The following LUC7L2 variants were observed in gnomAD, a reference collection of about 807,000 sequenced individuals.
The protein encoded by LUC7L2 is putative RNA-binding protein Luc7-like 2.
In LUC7L2, 25 loss-of-function variants were observed where a neutral mutation model predicts 52.8. The ratio of observed to expected loss-of-function variants is 0.47; its 90% CI spans 0.34 to 0.66. The LOEUF (loss-of-function observed/expected upper bound fraction) is 0.66. Among genes scored for constraint, LUC7L2 ranks in the 30% least tolerant of loss-of-function variants. The pLI, the probability that LUC7L2 is intolerant of heterozygous loss-of-function variation, is 0.01. For synonymous variants in LUC7L2, 144 were observed against 160.9 expected (o/e 0.89, Z 0.80); for missense variants, 328 against 497.8 (o/e 0.66, Z 3.25).
At chr7:139,386,404 ATTT>A (rs4028268) in intron 2 of LUC7L2, among the ~76,000 whole-genome samples, 11 of 131,492 alleles carry the variant, frequency 8.4e-5, no homozygotes, top group African/African-American at 1.9e-4. Context: ...GTCACTGGAA[ATTT>A]TTTTTTTTTT....
intron 7 of LUC7L2, 132 bp from the exon 8 acceptor site, chr7:139,412,419 G>C (rs1482372178): frequency 1.8e-6 from 2 of 1,091,912 alleles, no homozygotes; most frequent in East Asian, 5.9e-5. Context: ...GGAAAATTTT[G>C]TGTGCGTAGG....
chr7:139,369,953 T>G (rs973304799), intron 1 of LUC7L2, among the ~76,000 whole-genome samples: 1 of 152,230 alleles, frequency 6.6e-6, no homozygotes, highest in African/African-American at 2.4e-5. Context: ...CTTTGTTTTA[T>G]TAGGAACGAC....
chr7:139,369,300 A>G (rs9656512), intron 1 of LUC7L2, among the ~76,000 whole-genome samples: 58,578 of 152,130 alleles, frequency 0.39, 15,769 homozygotes, highest in African/African-American at 0.77. Context: ...TTTATGCCAT[A>G]TATCTTAAAA....
At chr7:139,360,348 G>A (rs1161408580) in intron 1 of LUC7L2, 26 bp downstream of exon 1, 1 of 1,549,288 alleles carries the variant, frequency 6.5e-7, no homozygotes, top group Non-Finnish European at 8.7e-7. Flanking sequence ...GGCCCTGGGG[G>A]TGGGGGAGGG....
At chr7:139,380,413 C>T (rs1800948900) in intron 2 of LUC7L2, among the ~76,000 whole-genome samples, 1 of 151,892 alleles carries the variant, frequency 6.6e-6, no homozygotes, top group Non-Finnish European at 1.5e-5. Flanking sequence ...GCCTGGCCAA[C>T]ATGTTGAAAT....
intron 1 of LUC7L2, chr7:139,346,179 A>G (rs6948879): frequency 0.38 from 58,426 of 151,860 alleles, 15,688 homozygotes; most frequent in African/African-American, 0.77. Context: ...GGAGGTTGCG[A>G]TGAGCTGAGA....
chr7:139,383,711 C>T (rs1316230389), intron 2 of LUC7L2, among the ~76,000 whole-genome samples: 1 of 149,834 alleles, frequency 6.7e-6, no homozygotes, highest in African/African-American at 2.5e-5. Context: ...CCACCGCGCC[C>T]GGCCTTGATG....
At chr7:139,352,326 C>T (rs1799483275) in intron 1 of LUC7L2, among the ~76,000 whole-genome samples, 1 of 151,924 alleles carries the variant, frequency 6.6e-6, no homozygotes, top group African/African-American at 2.4e-5. Flanking sequence ...ACCTTCTCTA[C>T]AAAAATAAAA....
intron 2 of LUC7L2, among the ~76,000 whole-genome samples, chr7:139,386,653 A>G (rs1186332084): frequency 6.8e-6 from 1 of 146,522 alleles, no homozygotes; most frequent in East Asian, 2.1e-4. Flanking sequence ...TGATCTGCCC[A>G]CCTCGGCCTC....
At chr7:139,357,720 GTC>G, upstream of LUC7L2, among the ~76,000 whole-genome samples, 1 of 147,818 alleles carries the variant, frequency 6.8e-6, no homozygotes, top group African/African-American at 2.5e-5. Flanking sequence ...TTGAGATGGA[GTC>G]TCACACTCAC....
chr7:139,359,776 G>C (rs1050066131), upstream of LUC7L2: 6 of 400,834 alleles, frequency 1.5e-5, no homozygotes, highest in Non-Finnish European at 2.2e-5. Context: ...GAGCGCGCGT[G>C]CACGCGCCCA....
At chr7:139,360,373 A>G (rs969908323) in intron 1 of LUC7L2, 51 bp downstream of exon 1, 2 of 1,523,960 alleles carry the variant, frequency 1.3e-6, no homozygotes, top group Non-Finnish European at 1.8e-6. Flanking sequence ...GGGACGGCGA[A>G]GGGAAGGGGT....
chr7:139,340,641 G>A (rs981505769), intron 1 of LUC7L2: 27 of 396,518 alleles, frequency 6.8e-5, no homozygotes, highest in African/African-American at 5.4e-4. Context: ...ATGAAGTGAC[G>A]ATGACGTACC....
intron 8 of LUC7L2, chr7:139,416,083 A>G (rs1795600006): frequency 1.5e-5 from 1 of 66,070 alleles, no homozygotes; most frequent in Non-Finnish European, 2.6e-5. Flanking sequence ...ATATATATAT[A>G]TATATATGAT....
chr7:139,386,818 T>C (rs939225215), intron 2 of LUC7L2, among the ~76,000 whole-genome samples: 1 of 152,156 alleles, frequency 6.6e-6, no homozygotes, highest in Admixed American at 6.5e-5. Flanking sequence ...AGTGTTTTAC[T>C]TTAACCTATA....
chr7:139,417,273 T>G (rs967992300), intron 8 of LUC7L2: 5 of 340,602 alleles, frequency 1.5e-5, no homozygotes, highest in African/African-American at 1.0e-4. Flanking sequence ...AATCCTGAGC[T>G]CAAGCGATCC....
intron 1 of LUC7L2, chr7:139,374,469 G>A (rs1800608607): frequency 6.4e-7 from 1 of 1,550,766 alleles, no homozygotes; most frequent in African/African-American, 1.4e-5. Context: ...CATTCGCCAA[G>A]CCGTGAGTTA....
intron 1 of LUC7L2, among the ~76,000 whole-genome samples, chr7:139,343,802 G>A (rs1308466177): frequency 1.3e-5 from 2 of 151,970 alleles, no homozygotes; most frequent in South Asian, 4.2e-4. Flanking sequence ...GGATATGGTG[G>A]TGTGCGTCTG....
At chr7:139,401,630 T>G (rs1022530617) in intron 3 of LUC7L2, among the ~76,000 whole-genome samples, 1 of 151,994 alleles carries the variant, frequency 6.6e-6, no homozygotes, top group African/African-American at 2.4e-5. Context: ...TTTTTGTATT[T>G]TTAGTAGAGA....
Sources: gnomAD v4.1 joint callset for allele counts (sites outside exome capture counted in the v4.1 genomes callset) on GRCh38, gnomAD v4.1.1 for gene constraint, MANE v1.5 for transcripts, NCBI Gene and HGNC (gene_info 2026-07-23, HGNC 2026-07-21) for gene names.